AK4: variants seen among roughly 807,000 people sequenced by gnomAD.
AK4 encodes adenylate kinase 4, mitochondrial.
AK4 carries 13 observed loss-of-function variants against 24.6 expected under a neutral mutation model. The observed-to-expected ratio is 0.53, with a 90% confidence interval of 0.34 to 0.84. AK4 has a LOEUF of 0.84. AK4 is among the 40% of genes least tolerant of loss of function. The pLI is 0.01. For synonymous variants in AK4, 88 were observed against 107.0 expected (o/e 0.82, Z 1.10); for missense variants, 192 against 288.2 (o/e 0.67, Z 2.42).
At chr1:65,156,951 T>A (rs1343550289) in intron 1 of AK4, among the ~76,000 whole-genome samples, 2 of 149,972 alleles carry the variant, frequency 1.3e-5, no homozygotes, top group African/African-American at 2.5e-5. Flanking sequence ...GAAAGAAAAT[T>A]GAGAAAATTT....
intron 1 of AK4, among the ~76,000 whole-genome samples, chr1:65,153,627 T>C (rs1649874384): frequency 6.6e-6 from 1 of 152,088 alleles, no homozygotes; most frequent in Admixed American, 6.5e-5. Context: ...GTACAAAATT[T>C]AGAAAATATA....
At chr1:65,159,969 CAAAA>C (rs951802334) in intron 1 of AK4, among the ~76,000 whole-genome samples, 16 of 63,352 alleles carry the variant, frequency 2.5e-4, no homozygotes, top group Non-Finnish European at 4.6e-4. Context: ...ACTATGTCTC[CAAAA>C]AAAAAAAAAA....
chr1:65,172,071 A>G (rs1471544012), intron 1 of AK4, among the ~76,000 whole-genome samples: 1 of 38,162 alleles, frequency 2.6e-5, no homozygotes, highest in Admixed American at 2.8e-4. Context: ...AAGTATATAT[A>G]TATATATATA....
intron 2 of AK4, among the ~76,000 whole-genome samples, chr1:65,208,198 G>T (rs1002815656): frequency 1.2e-4 from 18 of 152,062 alleles, no homozygotes; most frequent in African/African-American, 4.3e-4. Flanking sequence ...GGCATTTGTT[G>T]TTTTTTTACT....
At position 65,200,097 on chromosome 1, in the gene AK4, A is replaced by G. The variant is rs1315194345; in HGVS notation, c.265+9268A>G. ...GTATCTACTTCACATAAGACTAGGT[A>G]ACAGGTTTTTGTTTTGTTTTGTTTT... On this transcript the variant is annotated intron_variant, in intron 2 of 4. Transcript: ENST00000327299. 4.2e-5 allele frequency among the ~76,000 whole-genome samples: 4 copies of G among 94,676 alleles called. No individual in the cohort carries two copies. The East Asian group carries it at 1.6e-3, about 39-fold the overall frequency. 62.1% of individuals were successfully genotyped at this position (94,676 alleles called of 152,430 possible). A position where few individuals can be genotyped will look rare whatever the true frequency, so the allele number is the denominator to read the frequency against.
At chr1:65,159,507 A>T (rs912074774) in intron 1 of AK4, among the ~76,000 whole-genome samples, 6 of 151,952 alleles carry the variant, frequency 3.9e-5, no homozygotes, top group African/African-American at 1.2e-4. Flanking sequence ...AAATAAACAG[A>T]GTTAGCCAGA....
intron 1 of AK4, among the ~76,000 whole-genome samples, chr1:65,157,169 AT>A (rs1433143833): frequency 6.6e-6 from 1 of 152,168 alleles, no homozygotes; most frequent in East Asian, 1.9e-4. Context: ...TGGTTAAAGT[AT>A]TTGAAGAACA....
chr1:65,218,741 T>G lies in AK4; in HGVS notation c.266-13T>G. The G allele has an allele frequency of 6.4e-7, 1 of 1,565,626 alleles. No individual in the cohort carries two copies. The highest frequency in any genetic ancestry group is 2.3e-5 in the East Asian group (1 of 42,884). ...ATAGCTTGCATTTCACTTGTTTTGT[T>G]CTTTGCATTTAGGTTTTCCTAGGAC... is the stretch of plus-strand genomic sequence containing the variant. On this transcript the variant is annotated splice_polypyrimidine_tract_variant and intron_variant, in intron 2 of 4. Transcript: ENST00000327299.
intron 2 of AK4, among the ~76,000 whole-genome samples, chr1:65,204,058 A>G (rs1454754150): frequency 6.6e-6 from 1 of 152,166 alleles, no homozygotes; most frequent in Non-Finnish European, 1.5e-5. Context: ...GCAACAAATC[A>G]CCTGAAATTC....
At chr1:65,153,260 C>T (rs1649861184) in intron 1 of AK4, among the ~76,000 whole-genome samples, 1 of 152,050 alleles carries the variant, frequency 6.6e-6, no homozygotes, top group Non-Finnish European at 1.5e-5. Context: ...CACATTCTTC[C>T]AGTGGGATTT....
chr1:65,152,360 C>CTCTATA (rs1277948363), intron 1 of AK4, among the ~76,000 whole-genome samples: 22 of 27,948 alleles, frequency 7.9e-4, no homozygotes, highest in African/African-American at 1.1e-3. Flanking sequence ...CTCTCTCTCT[C>CTCTATA]TATATATATA....
At chr1:65,219,536 T>A (rs1326829998) in intron 3 of AK4, among the ~76,000 whole-genome samples, 1 of 152,152 alleles carries the variant, frequency 6.6e-6, no homozygotes, top group Non-Finnish European at 1.5e-5. Flanking sequence ...TGGAGAATAT[T>A]TATACCATCT....
chr1:65,154,952 G>A (rs1649928261), intron 1 of AK4, among the ~76,000 whole-genome samples: 1 of 151,620 alleles, frequency 6.6e-6, no homozygotes, highest in Admixed American at 6.6e-5. Flanking sequence ...CCAGGTTCAA[G>A]CAATTCTCCT....
At chr1:65,179,198 G>A (rs1570095343) in intron 1 of AK4, among the ~76,000 whole-genome samples, 2 of 152,210 alleles carry the variant, frequency 1.3e-5, no homozygotes, top group East Asian at 3.9e-4. Flanking sequence ...ATACAGAGCA[G>A]GACCAGGTAT....
chr1:65,201,131 T>C (rs915566130), intron 2 of AK4, among the ~76,000 whole-genome samples: 1 of 152,198 alleles, frequency 6.6e-6, no homozygotes, highest in African/African-American at 2.4e-5. Flanking sequence ...GTGAGGGTTA[T>C]CTTTAATTTC....
At chr1:65,197,460 C>G (rs983009421) in intron 2 of AK4, among the ~76,000 whole-genome samples, 1 of 152,110 alleles carries the variant, frequency 6.6e-6, no homozygotes, top group Non-Finnish European at 1.5e-5. Flanking sequence ...ATAATGATAA[C>G]CTTTAGCACG....
intron 1 of AK4, among the ~76,000 whole-genome samples, chr1:65,162,565 G>A (rs543567922): frequency 1.4e-4 from 21 of 152,046 alleles, no homozygotes; most frequent in African/African-American, 3.4e-4. Flanking sequence ...ACTCAGGGCC[G>A]GGCGCAGTGG....
Position 65,231,021 on chromosome 1 carries a change from C to T in AK4, c.*4844C>T, listed in dbSNP as rs1652627318. ...ATATCTCCTTCAATTTTTAGTAACTCTTGGTCTATTTGGTGTCTTTAAAAA... is the reference window on the plus strand; with the variant it reads ...ATATCTCCTTCAATTTTTAGTAACTTTTGGTCTATTTGGTGTCTTTAAAAA... On this transcript the variant is annotated 3_prime_UTR_variant, in exon 5 of 5. Coordinates refer to ENST00000327299, the MANE Select transcript of AK4 (RefSeq NM_013410.4). 1 of 152,104 alleles carries T rather than the reference C, an allele frequency of 6.6e-6. No individual in the cohort carries two copies. The highest frequency in any genetic ancestry group is 2.4e-5 in the African/African-American group (1 of 41,412). 9.4% of individuals were successfully genotyped at this position (152,104 alleles called of 1,614,324 possible).
chr1:65,206,947 G>A (rs1012353071), intron 2 of AK4, among the ~76,000 whole-genome samples: 4 of 152,196 alleles, frequency 2.6e-5, no homozygotes, highest in Non-Finnish European at 5.9e-5. Flanking sequence ...TAAGGTAACA[G>A]TTTTATCTGT....
Sources: gnomAD v4.1 joint callset for allele counts (sites outside exome capture counted in the v4.1 genomes callset) on GRCh38, gnomAD v4.1.1 for gene constraint, MANE v1.5 for transcripts, NCBI Gene and HGNC (gene_info 2026-07-23, HGNC 2026-07-21) for gene names.